The following RAD51B variants were observed in gnomAD, a reference collection of about 807,000 sequenced individuals.
The protein encoded by RAD51B is RAD51 paralog B.
A neutral mutation model predicts 42.2 loss-of-function variants in RAD51B; 38 were observed. The observed-to-expected ratio is 0.90, with a 90% CI of 0.70 to 1.18. The LOEUF (loss-of-function observed/expected upper bound fraction) is 1.18. RAD51B is among the 50% of genes most tolerant of loss of function. The probability of loss-of-function intolerance (pLI) is 0.00; values close to 1 mark genes in which losing one functional copy is unlikely to be tolerated. For missense variants in RAD51B, 373 were observed against 400.7 expected (o/e 0.93, Z 0.59); for synonymous variants, 154 against 145.2 (o/e 1.06, Z -0.43).
At chr14:68,198,128 T>A (rs2079410546) in intron 7 of RAD51B, among the ~76,000 whole-genome samples, 1 of 152,306 alleles carries the variant, frequency 6.6e-6, no homozygotes, top group African/African-American at 2.4e-5. Flanking sequence ...ATGTGTGTCA[T>A]GAGGTAGCTA....
Position 68,375,585 on chromosome 14 carries a change from A to G in RAD51B, c.854-35839A>G, listed in dbSNP as rs543328493. Among the ~76,000 whole-genome samples, 3 of 152,188 alleles carry G rather than the reference A, an allele frequency of 2.0e-5. No homozygotes were observed. The South Asian group carries it at 6.2e-4, about 32-fold the overall frequency. ...CCCACAGAGCTCTTCTCACAACTGT[A>G]ACTAACTGATTATTTGTGTAACTGT... is the stretch of plus-strand genomic sequence containing the variant. On this transcript the variant is annotated intron_variant, in intron 8 of 10. Coordinates refer to ENST00000471583, the MANE Select transcript of RAD51B (RefSeq NM_133510.4).
At chr14:68,650,677 C>T (rs1892682213) in intron 10 of RAD51B, 1 of 639,944 alleles carries the variant, frequency 1.6e-6, no homozygotes, top group African/African-American at 1.8e-5. Context: ...ACTAGTTTCT[C>T]AGAGGGCTGG....
At chr14:68,619,366 G>A (rs1276221670) in intron 10 of RAD51B, among the ~76,000 whole-genome samples, 5 of 151,950 alleles carry the variant, frequency 3.3e-5, no homozygotes, top group African/African-American at 1.2e-4. Context: ...AGGAGGCTGA[G>A]GCAGGAGAAT....
intron 7 of RAD51B, among the ~76,000 whole-genome samples, chr14:68,043,584 C>A (rs1165184101): frequency 2.0e-5 from 3 of 152,182 alleles, no homozygotes; most frequent in Admixed American, 6.6e-5. Flanking sequence ...GTAGTAGTTT[C>A]CAAATGTGTC....
At chr14:68,506,128 A>G (rs1885299479) in intron 10 of RAD51B, among the ~76,000 whole-genome samples, 1 of 152,192 alleles carries the variant, frequency 6.6e-6, no homozygotes, top group South Asian at 2.1e-4. Flanking sequence ...GCCTGGGCCT[A>G]GAACAGTTGT....
intron 10 of RAD51B, among the ~76,000 whole-genome samples, chr14:68,488,328 G>A (rs1883799219): frequency 6.6e-6 from 1 of 150,550 alleles, no homozygotes; most frequent in African/African-American, 2.4e-5. Context: ...TGACAGATTA[G>A]AGAGAGCCTA....
At chr14:68,303,068 T>TA (rs1262495967) in intron 8 of RAD51B, among the ~76,000 whole-genome samples, 4 of 152,122 alleles carry the variant, frequency 2.6e-5, no homozygotes. Context: ...TTCCTGAGGG[T>TA]AATAGGGAGC....
intron 7 of RAD51B, among the ~76,000 whole-genome samples, chr14:68,184,027 A>G (rs1275359871): frequency 6.7e-6 from 1 of 149,236 alleles, no homozygotes; most frequent in Non-Finnish European, 1.5e-5. Flanking sequence ...TGGGAGACAG[A>G]GCTTGCAGTG....
chr14:68,224,030 A>C (rs2079985058), intron 7 of RAD51B, among the ~76,000 whole-genome samples: 1 of 152,216 alleles, frequency 6.6e-6, no homozygotes, highest in Non-Finnish European at 1.5e-5. Context: ...ATGCACAGAC[A>C]AAGAAGTTCC....
chr14:68,060,502 ACAGT>A, intron 7 of RAD51B, among the ~76,000 whole-genome samples: 1 of 152,314 alleles, frequency 6.6e-6, no homozygotes, highest in South Asian at 2.1e-4. Flanking sequence ...ATTAATCAAA[ACAGT>A]CATAGTATTT....
At chr14:68,497,370 T>TA in intron 10 of RAD51B, 1 of 1,215,444 alleles carries the variant, frequency 8.2e-7, no homozygotes, top group Non-Finnish European at 1.0e-6. Flanking sequence ...GCTGATTTGA[T>TA]ACCATGGCAC....
intron 7 of RAD51B, among the ~76,000 whole-genome samples, chr14:67,996,469 G>A (rs1350082560): frequency 6.6e-6 from 1 of 151,710 alleles, no homozygotes; most frequent in Non-Finnish European, 1.5e-5. Context: ...GTTCCATAAC[G>A]GTGAAATCTC....
intron 7 of RAD51B, among the ~76,000 whole-genome samples, chr14:68,184,625 C>CAGAA (rs1555370064): frequency 7.6e-6 from 1 of 132,390 alleles, no homozygotes; most frequent in African/African-American, 2.9e-5. Context: ...AAAAAAAAAC[C>CAGAA]AAAAAAAAAA....
At chr14:68,499,813 G>T (rs1004333940) in intron 10 of RAD51B, among the ~76,000 whole-genome samples, 11 of 152,192 alleles carry the variant, frequency 7.2e-5, no homozygotes, top group African/African-American at 2.7e-4. Context: ...CTCCCCAAGA[G>T]CCTTCAGAGG....
intron 10 of RAD51B, among the ~76,000 whole-genome samples, chr14:68,488,199 C>CT (rs201866707): frequency 0.031 from 3,361 of 108,232 alleles, 175 homozygotes; most frequent in African/African-American, 0.094. Flanking sequence ...TAGGGTTTGT[C>CT]TTTTTTTTTT....
intron 11 of RAD51B, among the ~76,000 whole-genome samples, chr14:68,653,387 GC>G (rs111776045): frequency 1.0e-5 from 1 of 99,942 alleles, no homozygotes; most frequent in Non-Finnish European, 2.4e-5. Context: ...AAAAAACAAA[GC>G]CAAAAAACAG....
intron 8 of RAD51B, among the ~76,000 whole-genome samples, chr14:68,358,167 A>G (rs188764880): frequency 3.9e-5 from 6 of 152,368 alleles, no homozygotes; most frequent in African/African-American, 1.2e-4. Flanking sequence ...CTGATCATAG[A>G]TCACCATAAC....
chr14:68,110,510 T>C (rs35444803), intron 7 of RAD51B, among the ~76,000 whole-genome samples: 5 of 152,044 alleles, frequency 3.3e-5, no homozygotes, highest in Admixed American at 2.6e-4. Context: ...TTTAGATCTT[T>C]GGGTCCCAAA....
Position 68,524,561 on chromosome 14 carries a change from C to T in RAD51B, c.1036+56311C>T, listed in dbSNP as rs149687106. On this transcript the variant is annotated intron_variant, in intron 10 of 10. Transcript: ENST00000487270. The stretch of plus-strand genomic sequence containing the variant: ...GCTTTGAAGTTGTGCCTAACAGATC[C>T]GAGATGCATGATGAAGGAATGTTCT... Among the ~76,000 whole-genome samples the T allele has an allele frequency of 2.1e-3, 326 of 152,220 alleles. 1 individual carries two copies. The highest frequency in any genetic ancestry group is 3.6e-3 in the Non-Finnish European group (247 of 68,012).
Sources: gnomAD v4.1 joint callset for allele counts (sites outside exome capture counted in the v4.1 genomes callset) on GRCh38, gnomAD v4.1.1 for gene constraint, MANE v1.5 for transcripts, NCBI Gene and HGNC (gene_info 2026-07-23, HGNC 2026-07-21) for gene names.